The following SGCA variants were observed in gnomAD, a reference collection of about 807,000 sequenced individuals.
SGCA encodes alpha-sarcoglycan.
Under a neutral mutation model 38.1 loss-of-function variants are expected in SGCA, and 34 were observed. The observed-to-expected ratio is 0.89, with a 90% CI of 0.68 to 1.19. SGCA has a LOEUF of 1.19. Ranked by LOEUF, SGCA falls within the 50% of genes most tolerant of loss-of-function variation. The pLI, the probability that SGCA is intolerant of heterozygous loss-of-function variation, is 0.00. For synonymous variants in SGCA, 209 were observed against 214.6 expected, an observed-to-expected ratio of 0.97 and a Z score of 0.23; for missense variants, 476 against 524.9, an observed-to-expected ratio of 0.91 and a Z score of 0.91.
rs547080329 is a variant in SGCA at position 50,167,769 on chromosome 17, G to T, written c.312+33G>T. On this transcript the variant is annotated intron_variant, in intron 3 of 9. Transcript: ENST00000262018. This position sits in a 1 kb window ranked among gnomAD's most constrained non-coding sequence, Gnocchi z 4.5. ...CAGGGACCCTGAGAAAATCACAGGGGTGGGCCAGAGTGGCCTCCTAGGAGC... is the reference window on the plus strand; with the variant it reads ...CAGGGACCCTGAGAAAATCACAGGGTTGGGCCAGAGTGGCCTCCTAGGAGC... 1 of 1,598,386 alleles carries T rather than the reference G, an allele frequency of 6.3e-7. No homozygotes were observed.
intron 8 of SGCA, among the ~76,000 whole-genome samples, chr17:50,174,594 G>A (rs897826717): frequency 2.6e-5 from 4 of 151,942 alleles, no homozygotes; most frequent in African/African-American, 7.3e-5. Context: ...TGATCCACCC[G>A]CTTCGGCCTC....
In SGCA at chr17:50,175,405, G is replaced by T. The variant is rs375692868; in HGVS notation, c.1132G>T (p.Ala378Ser). ...GCGGCTGCCTCCCCGCGTGGACAGC[G>T]CCCAGGTGCCCCTCATTCTGGACCA... ...GERLPPRVDS[A>S]QVPLILDQH The change falls in exon 9 of 10, where the codon GCC becomes TCC. Residue 378 changes from alanine (A) to serine (S), a missense_variant. Coordinates refer to ENST00000262018, the MANE Select transcript of SGCA (RefSeq NM_000023.4). 2 of 1,613,146 alleles carry T rather than the reference G, an allele frequency of 1.2e-6. No homozygotes were observed.
In SGCA at chr17:50,167,026, C is replaced by A. The variant is rs1009975965; in HGVS notation, c.38-342C>A. On this transcript the variant is annotated intron_variant, in intron 1 of 9. Coordinates refer to ENST00000262018, the MANE Select transcript of SGCA (RefSeq NM_000023.4). The surrounding 1 kb of genome is among the most constrained non-coding windows in gnomAD (Gnocchi z 4.5). ...AGACCCTCACACATACCTTCACACA[C>A]ACACCCCCCCACATCCCCTCACACA... Among the ~76,000 whole-genome samples the A allele has an allele frequency of 3.4e-5, 5 of 147,086 alleles. No individual in the cohort carries two copies. Among genetic ancestry groups the A allele is most frequent in the Non-Finnish European group, 7.5e-5 (5 of 66,406 alleles).
rs781311989 is a variant in SGCA at position 50,175,396 on chromosome 17, G to C, written c.1123G>C (p.Val375Leu). The C allele has an allele frequency of 5.6e-6, 9 of 1,613,130 alleles. No individual in the cohort carries two copies. The highest frequency in any genetic ancestry group is 5.0e-5 in the Admixed American group (3 of 60,022). The change falls in exon 9 of 10, where the codon GTG (valine) becomes CTG (leucine). Residue 375 changes from valine to leucine, a missense_variant. Val to Leu is a conservative substitution (Grantham distance 32). Coordinates refer to ENST00000262018, the MANE Select transcript of SGCA (RefSeq NM_000023.4). ...VHTGERLPPR[V>L]DSAQVPLILD... The stretch of plus-strand genomic sequence containing the variant: ...CACAGGTGAGCGGCTGCCTCCCCGC[G>C]TGGACAGCGCCCAGGTGCCCCTCAT...
chr17:50,168,070 A>G, intron 4 of SGCA, 51 bp downstream of exon 4: 1 of 1,533,126 alleles, frequency 6.5e-7, no homozygotes, highest in Non-Finnish European at 9.0e-7. Context: ...GTCTTGGGGA[A>G]TCTCTCCCGG....
rs1555569038 is a variant in SGCA, at chr17:50,169,234, G to A, written c.727G>A (p.Asp243Asn). 6.2e-7 allele frequency: 1 copy of A among 1,613,828 alleles called. No homozygotes were observed. ...CACCTTGGCACCCCACTTCCGCGTTGACTGGTGCAATGTGACCCTGGTGAG... is the reference window on the plus strand; with the variant it reads ...CACCTTGGCACCCCACTTCCGCGTTAACTGGTGCAATGTGACCCTGGTGAG... ...YDTLAPHFRV[D>N]WCNVTLVDKS... Residue 243 changes from aspartate (D) to asparagine (N), a missense_variant, in exon 6 of 10, where the codon GAC (aspartate) becomes AAC (asparagine). Asp to Asn is a conservative substitution (Grantham distance 23, BLOSUM62 1). Coordinates refer to ENST00000262018, the MANE Select transcript of SGCA (RefSeq NM_000023.4).
chr17:50,175,277 G>T lies in SGCA; in HGVS notation c.1004G>T (p.Cys335Phe). Reference protein sequence around the residue: ...ATSDIQMVHHCTIHGNTEELR... With the variant: ...ATSDIQMVHHFTIHGNTEELR... The stretch of plus-strand genomic sequence containing the variant: ...TCCAGCATCCAGATGGTCCACCACT[G>T]CACCATCCACGGGAACACAGAGGAG... The change falls in exon 9 of 10, where the codon TGC (cysteine) becomes TTC (phenylalanine). Residue 335 changes from cysteine to phenylalanine, a missense_variant. Physicochemically the swap from Cys to Phe is radical, Grantham distance 205. Coordinates refer to ENST00000262018, the MANE Select transcript of SGCA (RefSeq NM_000023.4). The T allele has an allele frequency of 6.2e-7, 1 of 1,606,498 alleles. No homozygotes were observed. The highest frequency in any genetic ancestry group is 8.5e-7 in the Non-Finnish European group (1 of 1,177,280).
chr17:50,173,490 A>G (rs1013687411), intron 8 of SGCA, among the ~76,000 whole-genome samples: 3 of 152,162 alleles, frequency 2.0e-5, no homozygotes, highest in Non-Finnish European at 4.4e-5. Flanking sequence ...ACCGTGGGGA[A>G]GCCACTGCGG....
rs533579654 is a variant in SGCA, at chr17:50,167,268, G to A, written c.38-100G>A. Reference sequence around the variant, plus strand: ...AGGCAGCAAAGGAAGCGCTTCTCTCGGTCCCTTAGGGGCTCCAAGGACTTG... The same window carrying A: ...AGGCAGCAAAGGAAGCGCTTCTCTCAGTCCCTTAGGGGCTCCAAGGACTTG... On this transcript the variant is annotated intron_variant, in intron 1 of 9. Transcript: ENST00000262018. This position sits in a 1 kb window ranked among gnomAD's most constrained non-coding sequence, Gnocchi z 4.5. 75 of 1,549,998 alleles carry A rather than the reference G, an allele frequency of 4.8e-5. No homozygotes were observed. The highest frequency in any genetic ancestry group is 1.1e-4 in the East Asian group (5 of 44,154).
Position 50,168,024 on chromosome 17 carries a change from C to T in SGCA, c.385+5C>T, listed in dbSNP as rs1235340582. The T allele has an allele frequency of 2.7e-5, 43 of 1,612,058 alleles. No individual in the cohort carries two copies. Among genetic ancestry groups the T allele is most frequent in the Non-Finnish European group, 3.6e-5 (42 of 1,178,250 alleles). Reference sequence around the variant, plus strand: ...TGGAGATTGGGGACCCAGAAGGTACCTCTAGCTGTGCCCCATCCCTTCCCC... The same window carrying T: ...TGGAGATTGGGGACCCAGAAGGTACTTCTAGCTGTGCCCCATCCCTTCCCC... On this transcript the variant is annotated splice_donor_5th_base_variant and intron_variant, in intron 4 of 9. Coordinates refer to ENST00000262018, the MANE Select transcript of SGCA (RefSeq NM_000023.4).
At chr17:50,175,169 G>A (rs1195875983) in intron 8 of SGCA, 88 bp from the exon 9 acceptor site, 2 of 1,231,726 alleles carry the variant, frequency 1.6e-6, no homozygotes, top group Non-Finnish European at 2.3e-6. Flanking sequence ...GTGGTGGGGA[G>A]GACCGCAGGG....
intron 7 of SGCA, 95 bp downstream of exon 7, chr17:50,170,446 T>G: frequency 7.1e-7 from 1 of 1,404,316 alleles, no homozygotes; most frequent in Non-Finnish European, 1.0e-6. Flanking sequence ...CCAGACACCA[T>G]GGGAATGGGG....
chr17:50,170,780 C>CA, intron 8 of SGCA, 114 bp downstream of exon 8: 7 of 872,936 alleles, frequency 8.0e-6, no homozygotes, highest in Non-Finnish European at 1.1e-5. Context: ...CAGGGTGATG[C>CA]TCACCCCTTC....
chr17:50,170,577 G>C lies in SGCA; in HGVS notation c.957-63G>C, dbSNP rs557247436. Reference sequence around the variant, plus strand: ...CACACAGACCTCCACTCACATTGGAGCCCTGGGGCACCTTGGGGCGAAACC... The same window carrying C: ...CACACAGACCTCCACTCACATTGGACCCCTGGGGCACCTTGGGGCGAAACC... On this transcript the variant is annotated intron_variant, in intron 7 of 9. Transcript: ENST00000262018. 6.5e-5 allele frequency: 99 copies of C among 1,528,900 alleles called. No homozygotes were observed. In the African/African-American group the frequency reaches 1.3e-3, roughly 20 times the overall value. The allele number at this position is 1,528,900 out of a possible 1,614,324, so 94.7% of individuals were successfully genotyped here.
intron 6 of SGCA, 86 bp downstream of exon 6, chr17:50,169,340 C>T (rs778289213): frequency 6.0e-6 from 7 of 1,168,538 alleles, no homozygotes; most frequent in Middle Eastern, 2.0e-4. Flanking sequence ...TTCCTATCTC[C>T]GTCTCTCTGA....
At position 50,170,191 on chromosome 17, in the gene SGCA, G is replaced by C; in HGVS notation, c.796G>C (p.Asp266His). ...EPADEVPTPG[D>H]GILEHDPFFC... is the part of the protein sequence containing the mutation. Reference sequence around the variant, plus strand: ...TGCAGATGAGGTGCCCACCCCAGGTGATGGGATCCTGGAGCATGACCCGTT... The same window carrying C: ...TGCAGATGAGGTGCCCACCCCAGGTCATGGGATCCTGGAGCATGACCCGTT... Residue 266 changes from aspartate to histidine, a missense_variant, in exon 7 of 10, where the codon GAT becomes CAT. By Grantham distance (81) the Asp-to-His change is moderately conservative (BLOSUM62 -1). Transcript: ENST00000262018. 6.2e-7 allele frequency: 1 copy of C among 1,614,202 alleles called. No individual in the cohort carries two copies. The highest frequency in any genetic ancestry group is 8.5e-7 in the Non-Finnish European group (1 of 1,180,038).
chr17:50,174,750 C>A (rs956393631), intron 8 of SGCA, among the ~76,000 whole-genome samples: 3 of 152,160 alleles, frequency 2.0e-5, no homozygotes, highest in African/African-American at 7.2e-5. Context: ...AGGCTGTCTA[C>A]ACCCACAGCC....
chr17:50,167,675 ACC>A lies in SGCA; in HGVS notation c.252_253del (p.His84GlnfsTer20). On this transcript the variant is annotated frameshift_variant, in exon 3 of 10. Coordinates refer to ENST00000262018, the MANE Select transcript of SGCA (RefSeq NM_000023.4). LOFTEE classifies it high-confidence loss of function. This position sits in a 1 kb window ranked among gnomAD's most constrained non-coding sequence, Gnocchi z 4.5. Reference sequence around the variant, plus strand: ...CTCCGCTACACCCAGCGCAGCCCCCACCACCCTGGCTTCCTCTACGGCTCTGC... The same window carrying A: ...CTCCGCTACACCCAGCGCAGCCCCCAACCCTGGCTTCCTCTACGGCTCTGC... 6.2e-7 allele frequency: 1 copy of A among 1,613,694 alleles called. No homozygotes were observed. Among genetic ancestry groups the A allele is most frequent in the Non-Finnish European group, 8.5e-7 (1 of 1,179,878 alleles).
intron 9 of SGCA, 51 bp downstream of exon 9, chr17:50,175,500 T>C (rs1257333533): frequency 2.0e-6 from 3 of 1,515,202 alleles, no homozygotes; most frequent in Non-Finnish European, 2.7e-6. Flanking sequence ...AGATGGCCTT[T>C]ATCACAAGGC....
Sources: gnomAD v4.1 joint callset for allele counts (sites outside exome capture counted in the v4.1 genomes callset) on GRCh38, gnomAD v4.1.1 for gene constraint, Gnocchi (gnomAD v3.1) non-coding constraint, MANE v1.5 for transcripts, NCBI Gene and HGNC (gene_info 2026-07-23, HGNC 2026-07-21) for gene names.